Variants in RAB38 observed in about 807,000 individuals in gnomAD.
The protein encoded by RAB38 is ras-related protein Rab-38.
A neutral mutation model predicts 18.4 loss-of-function variants in RAB38; 15 were observed. That is an observed-to-expected ratio of 0.82 (90% CI 0.55 to 1.26). RAB38 has a LOEUF of 1.26. Among genes scored for constraint, RAB38 ranks in the 50% most tolerant of loss-of-function variants. RAB38 has a pLI of 0.00. For missense variants in RAB38, 294 were observed against 267.4 expected (o/e 1.10, Z -0.69); for synonymous variants, 101 against 104.4 (o/e 0.97, Z 0.20).
intron 2 of RAB38, among the ~76,000 whole-genome samples, chr11:88,131,416 C>T (rs968468737): frequency 6.6e-6 from 1 of 152,144 alleles, no homozygotes; most frequent in Non-Finnish European, 1.5e-5. Flanking sequence ...GCAATATCTC[C>T]TCTTCCTTTT....
At chr11:87,897,817 T>C in the RAB38 span, among the ~76,000 whole-genome samples, 1 of 151,580 alleles carries the variant, frequency 6.6e-6, no homozygotes, top group African/African-American at 2.4e-5. Flanking sequence ...TTTTCTTACT[T>C]TCTGAGACAA....
the RAB38 span, among the ~76,000 whole-genome samples, chr11:87,884,852 T>A: frequency 4.9e-4 from 74 of 152,056 alleles, no homozygotes; most frequent in African/African-American, 1.7e-3. Context: ...GTATCAAGAA[T>A]CTACAGTTCG....
At chr11:87,960,652 C>A in the RAB38 span, among the ~76,000 whole-genome samples, 1 of 152,106 alleles carries the variant, frequency 6.6e-6, no homozygotes, top group East Asian at 1.9e-4. Context: ...GTACTCTGTA[C>A]AAGGTGAGCG....
chr11:88,023,080 A>T, the RAB38 span, among the ~76,000 whole-genome samples: 1 of 152,010 alleles, frequency 6.6e-6, no homozygotes, highest in Non-Finnish European at 1.5e-5. Flanking sequence ...GTGACAAAAT[A>T]CTCTGTACAA....
chr11:87,828,218 A>G, the RAB38 span, among the ~76,000 whole-genome samples: 1 of 152,224 alleles, frequency 6.6e-6, no homozygotes, highest in Non-Finnish European at 1.5e-5. Context: ...TGTTGATTTG[A>G]TACCAAATCC....
the RAB38 span, among the ~76,000 whole-genome samples, chr11:88,012,613 T>C: frequency 6.6e-6 from 1 of 152,158 alleles, no homozygotes; most frequent in Non-Finnish European, 1.5e-5. Flanking sequence ...CTGTGCCCTT[T>C]GTCTTGTGAA....
At chr11:87,976,307 T>C in the RAB38 span, among the ~76,000 whole-genome samples, 1 of 140,524 alleles carries the variant, frequency 7.1e-6, no homozygotes, top group African/African-American at 2.7e-5. Flanking sequence ...CACATATATA[T>C]ACACATATAC....
the RAB38 span, among the ~76,000 whole-genome samples, chr11:88,048,546 G>A: frequency 6.6e-6 from 1 of 152,140 alleles, no homozygotes; most frequent in South Asian, 2.1e-4. Flanking sequence ...ATTCAGGCCT[G>A]TCCTCGGAAT....
At chr11:88,045,080 C>G in the RAB38 span, among the ~76,000 whole-genome samples, 1 of 152,120 alleles carries the variant, frequency 6.6e-6, no homozygotes, top group Non-Finnish European at 1.5e-5. Flanking sequence ...TCTTTTTCAT[C>G]GAATATAAAA....
the RAB38 span, among the ~76,000 whole-genome samples, chr11:87,976,922 A>ATGTTATATAATGT: frequency 0.36 from 37 of 102 alleles, 16 homozygotes; most frequent in Non-Finnish European, 0.55. Context: ...TATATATTAT[A>ATGTTATATAATGT]ATTACATTAT....
the RAB38 span, among the ~76,000 whole-genome samples, chr11:87,902,152 C>T: frequency 2.6e-4 from 39 of 151,480 alleles, no homozygotes; most frequent in African/African-American, 8.5e-4. Context: ...AGAGCTCATA[C>T]GGCTAGTAAG....
At chr11:87,883,894 T>G in the RAB38 span, among the ~76,000 whole-genome samples, 1 of 151,988 alleles carries the variant, frequency 6.6e-6, no homozygotes. Flanking sequence ...CACCTTAATT[T>G]CAGACCAGTG....
the RAB38 span, among the ~76,000 whole-genome samples, chr11:88,020,678 C>T: frequency 6.6e-6 from 1 of 152,166 alleles, no homozygotes; most frequent in Admixed American, 6.5e-5. Flanking sequence ...TGGATTATTC[C>T]CTTGAACAGA....
At chr11:88,133,171 C>T (rs1327838930) in intron 2 of RAB38, among the ~76,000 whole-genome samples, 1 of 151,992 alleles carries the variant, frequency 6.6e-6, no homozygotes, top group Non-Finnish European at 1.5e-5. Context: ...GGTAAGACAA[C>T]CAGAATGGTA....
the RAB38 span, among the ~76,000 whole-genome samples, chr11:88,010,776 T>C: frequency 6.6e-6 from 1 of 152,220 alleles, no homozygotes; most frequent in African/African-American, 2.4e-5. Context: ...TATGTGATTT[T>C]TCCAGGTTTC....
At chr11:88,033,393 A>G in the RAB38 span, among the ~76,000 whole-genome samples, 1,072 of 148,892 alleles carry the variant, frequency 7.2e-3, 5 homozygotes, top group Non-Finnish European at 0.012. Flanking sequence ...TAAAAAAAAG[A>G]AAAAAAAAAG....
At chr11:87,976,206 T>A in the RAB38 span, among the ~76,000 whole-genome samples, 6 of 147,142 alleles carry the variant, frequency 4.1e-5, no homozygotes, top group Non-Finnish European at 7.5e-5. Flanking sequence ...ATACTCTATG[T>A]ATATTTTTAT....
downstream of RAB38, among the ~76,000 whole-genome samples, chr11:88,111,262 C>A (rs1199941320): frequency 6.6e-6 from 1 of 152,056 alleles, no homozygotes; most frequent in East Asian, 1.9e-4. Context: ...GTGATGGAGG[C>A]ATCAAGAGGC....
At chr11:87,927,006 G>A in the RAB38 span, among the ~76,000 whole-genome samples, 3 of 152,032 alleles carry the variant, frequency 2.0e-5, no homozygotes, top group Admixed American at 6.6e-5. Flanking sequence ...ATGTGGACTT[G>A]CATCTGTATG....
Sources: gnomAD v4.1 joint callset for allele counts (sites outside exome capture counted in the v4.1 genomes callset) on GRCh38, gnomAD v4.1.1 for gene constraint, MANE v1.5 for transcripts, NCBI Gene and HGNC (gene_info 2026-07-23, HGNC 2026-07-21) for gene names.